CNTLN: variants seen among roughly 807,000 people sequenced by gnomAD.
CNTLN encodes the protein centlein, centrosomal protein.
In CNTLN, 212 loss-of-function variants were observed where a neutral mutation model predicts 180.0. The observed-to-expected ratio is 1.18, with a 90% CI of 1.05 to 1.32. CNTLN has a LOEUF of 1.32. CNTLN is among the 40% of genes most tolerant of loss of function. The pLI is 0.00. For missense variants in CNTLN, 2,095 were observed against 1,610.9 expected, an observed-to-expected ratio of 1.30 and a Z score of -5.14; for synonymous variants, 722 against 563.1, an observed-to-expected ratio of 1.28 and a Z score of -3.99.
intron 18 of CNTLN, among the ~76,000 whole-genome samples, chr9:17,442,313 G>A (rs527417515): frequency 2.6e-5 from 4 of 152,232 alleles, no homozygotes; most frequent in African/African-American, 9.6e-5. Flanking sequence ...ATAATACAAG[G>A]TATCTTTTCT....
chr9:17,451,131 T>G (rs1279143741), intron 18 of CNTLN, among the ~76,000 whole-genome samples: 3 of 152,170 alleles, frequency 2.0e-5, no homozygotes, highest in African/African-American at 7.2e-5. Context: ...AAGTATAATA[T>G]TCTCAATAAA....
intron 8 of CNTLN, among the ~76,000 whole-genome samples, chr9:17,314,082 T>A (rs1023938360): frequency 6.6e-6 from 1 of 152,254 alleles, no homozygotes; most frequent in African/African-American, 2.4e-5. Flanking sequence ...TTATTCAGAT[T>A]AGATAGTTTC....
intron 12 of CNTLN, among the ~76,000 whole-genome samples, chr9:17,355,994 G>A (rs1206716587): frequency 6.6e-6 from 1 of 151,352 alleles, no homozygotes; most frequent in Admixed American, 6.6e-5. Context: ...AAACTGGGAG[G>A]TGGAGCTTGC....
intron 18 of CNTLN, among the ~76,000 whole-genome samples, chr9:17,441,342 T>G (rs1290275842): frequency 6.6e-6 from 1 of 152,112 alleles, no homozygotes; most frequent in Non-Finnish European, 1.5e-5. Context: ...GAAATTACAA[T>G]AATAGGTATT....
At chr9:17,474,407 C>T (rs998870478) in intron 23 of CNTLN, among the ~76,000 whole-genome samples, 1 of 152,174 alleles carries the variant, frequency 6.6e-6, no homozygotes, top group African/African-American at 2.4e-5. Flanking sequence ...ATTTCTGATA[C>T]TTCAAATCGT....
chr9:17,478,696 A>G (rs1832485031), intron 23 of CNTLN, among the ~76,000 whole-genome samples: 1 of 151,716 alleles, frequency 6.6e-6, no homozygotes, highest in South Asian at 2.1e-4. Context: ...TCTAATTTCA[A>G]TTTTTTTGCC....
Position 17,295,095 on chromosome 9 carries a change from C to G in CNTLN, c.984-3095C>G, listed in dbSNP as rs536481954. Among the ~76,000 whole-genome samples, 579 of 151,830 alleles carry G rather than the reference C, an allele frequency of 3.8e-3. 2 individuals carry two copies. Among genetic ancestry groups the G allele is most frequent in the African/African-American group, 0.012 (512 of 41,470 alleles). On this transcript the variant is annotated intron_variant, in intron 6 of 25. Transcript: ENST00000380647. ...GCCTGGGTGCTAAGCCCCTCACTGC[C>G]GGGCTGGCGGGGCTGGCTGGCCGCT...
chr9:17,210,381 A>C (rs1823211164), intron 2 of CNTLN, among the ~76,000 whole-genome samples: 1 of 152,178 alleles, frequency 6.6e-6, no homozygotes, highest in Non-Finnish European at 1.5e-5. Flanking sequence ...TGTCCCTACA[A>C]AGGACATAAA....
chr9:17,326,135 G>T (rs1177281614), intron 8 of CNTLN, among the ~76,000 whole-genome samples: 1 of 151,984 alleles, frequency 6.6e-6, no homozygotes, highest in Non-Finnish European at 1.5e-5. Context: ...GAAAAATAAA[G>T]TTATGTGTTA....
At chr9:17,284,036 T>C (rs1828824594) in intron 6 of CNTLN, among the ~76,000 whole-genome samples, 1 of 150,650 alleles carries the variant, frequency 6.6e-6, no homozygotes, top group Non-Finnish European at 1.5e-5. Context: ...TGTTTGTTTT[T>C]TTGAGACAGA....
chr9:17,211,568 G>T (rs1587165810), intron 2 of CNTLN, among the ~76,000 whole-genome samples: 1 of 152,268 alleles, frequency 6.6e-6, no homozygotes, highest in East Asian at 1.9e-4. Flanking sequence ...GAACTTTAAA[G>T]TAGTTTTTTC....
chr9:17,207,180 GCAATTTGCTTATTATAT>G (rs1822984266), intron 2 of CNTLN, among the ~76,000 whole-genome samples: 1 of 152,162 alleles, frequency 6.6e-6, no homozygotes, highest in African/African-American at 2.4e-5. Flanking sequence ...TGTTTCCATT[GCAATTTGCTTATTATAT>G]CAATTTGCTT....
At chr9:17,187,484 A>G (rs932495358) in intron 2 of CNTLN, among the ~76,000 whole-genome samples, 1 of 152,058 alleles carries the variant, frequency 6.6e-6, no homozygotes, top group Non-Finnish European at 1.5e-5. Flanking sequence ...GAAAATAATC[A>G]TAGACCTACT....
chr9:17,395,676 G>T (rs943689120), intron 15 of CNTLN, among the ~76,000 whole-genome samples: 1 of 152,096 alleles, frequency 6.6e-6, no homozygotes, highest in Admixed American at 6.5e-5. Context: ...TAAAGTTATA[G>T]CTCTAAAGAT....
chr9:17,372,562 C>T (rs1466554409), intron 13 of CNTLN, among the ~76,000 whole-genome samples: 1 of 152,112 alleles, frequency 6.6e-6, no homozygotes, highest in Non-Finnish European at 1.5e-5. Context: ...GAAGAACTAA[C>T]TCCAATCCTA....
chr9:17,312,351 A>ATATATATATATATTATATATATATAT (rs1382207957), intron 8 of CNTLN, among the ~76,000 whole-genome samples: 4 of 15,202 alleles, frequency 2.6e-4, no homozygotes, highest in African/African-American at 5.8e-4. Flanking sequence ...ATTTATATAT[A>ATATATATATATATTATATATATATAT]TATATATATA....
At chr9:17,145,469 T>A (rs559010864) in intron 2 of CNTLN, among the ~76,000 whole-genome samples, 1 of 152,314 alleles carries the variant, frequency 6.6e-6, no homozygotes, top group East Asian at 1.9e-4. Context: ...AAATAGATGA[T>A]CTTTCTGTAT....
chr9:17,334,434 C>G (rs1820860843), intron 10 of CNTLN, among the ~76,000 whole-genome samples: 1 of 152,018 alleles, frequency 6.6e-6, no homozygotes, highest in South Asian at 2.1e-4. Context: ...CACACACACA[C>G]ACACACACAC....
chr9:17,203,590 T>C (rs1036687863), intron 2 of CNTLN, among the ~76,000 whole-genome samples: 11 of 152,154 alleles, frequency 7.2e-5, no homozygotes, highest in African/African-American at 2.7e-4. Flanking sequence ...AGAGTCTCAC[T>C]CTGTCGCCAA....
Sources: gnomAD v4.1 joint callset for allele counts (sites outside exome capture counted in the v4.1 genomes callset) on GRCh38, gnomAD v4.1.1 for gene constraint, MANE v1.5 for transcripts, NCBI Gene and HGNC (gene_info 2026-07-23, HGNC 2026-07-21) for gene names.